Variants in PDE1C observed in about 807,000 individuals in gnomAD.
PDE1C encodes the protein dual specificity calcium/calmodulin-dependent 3',5'-cyclic nucleotide phosphodiesterase 1C.
Under a neutral mutation model 93.1 loss-of-function variants are expected in PDE1C, and 62 were observed. The ratio of observed to expected loss-of-function variants is 0.67; its 90% CI spans 0.54 to 0.82. The LOEUF is 0.82. PDE1C is among the 40% of genes least tolerant of loss of function. The pLI is 0.00. For missense variants in PDE1C, 742 were observed against 884.6 expected (o/e 0.84, Z 2.04); for synonymous variants, 325 against 310.1 (o/e 1.05, Z -0.50).
At chr7:31,839,415 T>C (rs959578383) in intron 9 of PDE1C, among the ~76,000 whole-genome samples, 22 of 148,610 alleles carry the variant, frequency 1.5e-4, no homozygotes, top group African/African-American at 5.2e-4. Flanking sequence ...TGTATATACA[T>C]AGACACACAC....
chr7:32,027,720 G>A (rs1355285245), intron 2 of PDE1C, among the ~76,000 whole-genome samples: 1 of 142,800 alleles, frequency 7.0e-6, no homozygotes, highest in Non-Finnish European at 1.5e-5. Context: ...TGACTGTTAT[G>A]AGCTGCGTTA....
chr7:31,851,965 G>T (rs1392544708), intron 7 of PDE1C, among the ~76,000 whole-genome samples: 1 of 152,182 alleles, frequency 6.6e-6, no homozygotes, highest in Non-Finnish European at 1.5e-5. Context: ...TAGGGGCAGG[G>T]TTGATGTAAG....
intron 1 of PDE1C, among the ~76,000 whole-genome samples, chr7:32,308,120 C>A (rs1004998731): frequency 6.6e-6 from 1 of 152,252 alleles, no homozygotes; most frequent in Non-Finnish European, 1.5e-5. Flanking sequence ...CCCACGGAGT[C>A]TCGCTGATTG....
At chr7:31,676,024 G>A in the PDE1C span, among the ~76,000 whole-genome samples, 1 of 152,116 alleles carries the variant, frequency 6.6e-6, no homozygotes, top group Non-Finnish European at 1.5e-5. Flanking sequence ...ACATGTTAAT[G>A]CCTTGTTAAT....
chr7:31,845,637 GCA>G (rs1792471635), intron 9 of PDE1C, among the ~76,000 whole-genome samples: 1 of 151,820 alleles, frequency 6.6e-6, no homozygotes, highest in African/African-American at 2.4e-5. Context: ...TGCACTTTCT[GCA>G]CACGTATCCC....
intron 1 of PDE1C, among the ~76,000 whole-genome samples, chr7:32,307,925 C>A (rs931815840): frequency 6.6e-6 from 1 of 152,308 alleles, no homozygotes; most frequent in African/African-American, 2.4e-5. Context: ...CGAAGCAGGG[C>A]GAGGCATTGT....
At chr7:32,279,797 A>T (rs949005926) in intron 1 of PDE1C, among the ~76,000 whole-genome samples, 5 of 152,150 alleles carry the variant, frequency 3.3e-5, no homozygotes, top group African/African-American at 1.2e-4. Context: ...GGGTCAAAAA[A>T]ACAAAATACT....
intron 1 of PDE1C, among the ~76,000 whole-genome samples, chr7:32,372,597 A>G (rs79467341): frequency 0.013 from 1,905 of 152,216 alleles, 32 homozygotes; most frequent in African/African-American, 0.043. Context: ...TATGACACCA[A>G]ACAACCCACA....
intron 2 of PDE1C, among the ~76,000 whole-genome samples, chr7:31,983,097 A>C (rs1398703745): frequency 6.6e-6 from 1 of 152,204 alleles, no homozygotes; most frequent in Non-Finnish European, 1.5e-5. Context: ...AAAATATTCT[A>C]AACCCATCCC....
the PDE1C span, chr7:31,695,854 A>G: frequency 6.0e-6 from 2 of 334,448 alleles, no homozygotes; most frequent in Admixed American, 9.7e-5. Context: ...CAATAGTGAA[A>G]CCATGGGGTG....
intron 16 of PDE1C, among the ~76,000 whole-genome samples, chr7:31,805,384 A>T (rs1786694151): frequency 6.6e-6 from 1 of 151,886 alleles, no homozygotes. Flanking sequence ...GGGTAATTAA[A>T]ACCACAGAAA....
chr7:32,069,248 T>C (rs1795744757), intron 1 of PDE1C, among the ~76,000 whole-genome samples: 1 of 152,192 alleles, frequency 6.6e-6, no homozygotes. Flanking sequence ...GATCAACACA[T>C]TTTTTATTTG....
At chr7:31,622,986 A>G in the PDE1C span, among the ~76,000 whole-genome samples, 1 of 152,232 alleles carries the variant, frequency 6.6e-6, no homozygotes, top group East Asian at 1.9e-4. Context: ...ATCTACGCCA[A>G]TAAACTAGAA....
intron 2 of PDE1C, among the ~76,000 whole-genome samples, chr7:32,049,640 T>C (rs776858334): frequency 6.6e-5 from 10 of 152,140 alleles, no homozygotes; most frequent in Non-Finnish European, 8.8e-5. Context: ...AAAGCAGTGA[T>C]CTAAAAAATG....
rs10648394 is a variant in PDE1C at position 32,056,320 on chromosome 7, T to TTCTCTCTC, written c.102-4748_102-4741dup. ...TCTGTTCCCTGGAATGGGTCCACCG[T>TTCTCTCTC]TCTCTCTCTCTCTCTCTCTCTCTCT... On this transcript the variant is annotated intron_variant, in intron 1 of 17. Coordinates refer to ENST00000396191, the MANE Select transcript of PDE1C (RefSeq NM_001191057.4). Among the ~76,000 whole-genome samples, 761 of 111,072 alleles carry TTCTCTCTC rather than the reference T, an allele frequency of 6.9e-3. 10 individuals are homozygous for TTCTCTCTC. The highest frequency in any genetic ancestry group is 0.015 in the African/African-American group (402 of 27,434). The allele number at this position is 111,072 out of a possible 152,430, so 72.9% of individuals were successfully genotyped here.
At chr7:32,140,797 G>A (rs960359383) in intron 3 of PDE1C, among the ~76,000 whole-genome samples, 2 of 152,220 alleles carry the variant, frequency 1.3e-5, no homozygotes, top group Non-Finnish European at 1.5e-5. Flanking sequence ...GTGCCCACTC[G>A]AGAGTGAGGA....
rs1319976029 is a variant in PDE1C, at chr7:31,880,831, C to T, written c.158G>A (p.Arg53Lys). ...RLRSLVKQLE[R>K]GEASVVDLKK... Reference sequence around the variant, plus strand: ...AAGATCTACCACTGAAGCTTCCCCTCTCTCTAATTGTTTGACCAAAGACCG... The same window carrying T: ...AAGATCTACCACTGAAGCTTCCCCTTTCTCTAATTGTTTGACCAAAGACCG... The change falls in exon 3 of 18, where the codon AGA becomes AAA. Residue 53 changes from arginine (R) to lysine (K), a missense_variant. Arg to Lys is a conservative substitution (Grantham distance 26, BLOSUM62 2). Around this residue, in one of 4 missense-constraint regions of PDE1C, gnomAD observed 74 missense variants for 88.2 expected, o/e 0.84. Transcript: ENST00000396191. The T allele has an allele frequency of 1.9e-6, 3 of 1,610,822 alleles. No homozygotes were observed. The highest frequency in any genetic ancestry group is 1.1e-5 in the South Asian group (1 of 90,998).
At chr7:31,642,032 G>A in the PDE1C span, 1 of 509,842 alleles carries the variant, frequency 2.0e-6, no homozygotes, top group African/African-American at 1.9e-5. Context: ...AAATGTCCTT[G>A]GAATTCCCTC....
chr7:31,791,199 T>C (rs1352011101), intron 16 of PDE1C, among the ~76,000 whole-genome samples: 1 of 152,166 alleles, frequency 6.6e-6, no homozygotes, highest in East Asian at 1.9e-4. Flanking sequence ...TTCTGATCTA[T>C]TGTAATTACA....
Sources: gnomAD v4.1 joint callset for allele counts (sites outside exome capture counted in the v4.1 genomes callset) on GRCh38, gnomAD v4.1.1 for gene constraint, gnomAD v4.1.1 regional missense constraint, MANE v1.5 for transcripts, NCBI Gene and HGNC (gene_info 2026-07-23, HGNC 2026-07-21) for gene names.